TMTC1: variants seen among roughly 807,000 people sequenced by gnomAD.
TMTC1 encodes the protein transmembrane O-mannosyltransferase targeting cadherins 1, also known as protein O-mannosyl-transferase TMTC1.
A neutral mutation model predicts 104.8 loss-of-function variants in TMTC1; 73 were observed. The ratio of observed to expected loss-of-function variants is 0.70; its 90% CI spans 0.58 to 0.85. The LOEUF (loss-of-function observed/expected upper bound fraction) is 0.85. TMTC1 is among the 40% of genes least tolerant of loss of function. The pLI, the probability that TMTC1 is intolerant of heterozygous loss-of-function variation, is 0.00. For missense variants in TMTC1, 1,035 were observed against 1,096.1 expected (o/e 0.94, Z 0.79); for synonymous variants, 434 against 428.7 (o/e 1.01, Z -0.15).
intron 6 of TMTC1, among the ~76,000 whole-genome samples, chr12:29,624,175 T>G (rs533140358): frequency 4.6e-5 from 7 of 152,144 alleles, no homozygotes; most frequent in Non-Finnish European, 8.8e-5. Flanking sequence ...AGACAGGGTT[T>G]CACCATATTG....
chr12:29,512,076 G>T lies in TMTC1; in HGVS notation c.2475C>A (p.Ala825=), dbSNP rs1162217609. 6.2e-7 allele frequency: 1 copy of T among 1,613,996 alleles called. No homozygotes were observed. The highest frequency in any genetic ancestry group is 1.3e-5 in the African/African-American group (1 of 74,926). Residue 825 remains alanine (A), a synonymous_variant, in exon 17 of 18, where the codon GCC becomes GCA. Coordinates refer to ENST00000539277, the MANE Select transcript of TMTC1 (RefSeq NM_001193451.2). The part of the protein sequence containing the change: ...AVQLNPDQAQ[A]WMNMGGIQHI... ...GTTGGATGCCACCCATGTTCATCCA[G>T]GCCTGTGCTTGGTCTGGGTTTAGTT...
chr12:29,518,052 G>A (rs1944041210), intron 13 of TMTC1, among the ~76,000 whole-genome samples: 1 of 152,156 alleles, frequency 6.6e-6, no homozygotes, highest in Non-Finnish European at 1.5e-5. Context: ...TGATGCCATA[G>A]TTGGAACGTA....
At chr12:29,741,594 C>G (rs1942827953) in intron 5 of TMTC1, among the ~76,000 whole-genome samples, 1 of 152,144 alleles carries the variant, frequency 6.6e-6, no homozygotes, top group Non-Finnish European at 1.5e-5. Context: ...CTTGCACTAC[C>G]CTGTGCTATC....
intron 8 of TMTC1, 59 bp from the exon 9 acceptor site, chr12:29,572,277 C>T (rs1945700249): frequency 3.7e-6 from 5 of 1,364,982 alleles, no homozygotes. Flanking sequence ...TGTCAGATTC[C>T]TTTATGTTTT....
chr12:29,692,385 A>AT (rs149617538), intron 5 of TMTC1, among the ~76,000 whole-genome samples: 6,616 of 144,906 alleles, frequency 0.046, 1,091 homozygotes, highest in African/African-American at 0.16. Context: ...AACGAAATGA[A>AT]TTAAGTTCAC....
chr12:29,519,606 C>T (rs1392677267), intron 12 of TMTC1: 1 of 152,114 alleles, frequency 6.6e-6, no homozygotes, highest in Non-Finnish European at 1.5e-5. Flanking sequence ...GCCTCTGTCT[C>T]TGGAGGCAGA....
At chr12:29,648,202 C>T (rs997379356) in intron 5 of TMTC1, among the ~76,000 whole-genome samples, 1 of 152,116 alleles carries the variant, frequency 6.6e-6, no homozygotes, top group African/African-American at 2.4e-5. Flanking sequence ...AACATGGAAG[C>T]AGAAACTCTG....
chr12:29,668,776 T>C (rs1391621038), intron 5 of TMTC1, among the ~76,000 whole-genome samples: 1 of 152,216 alleles, frequency 6.6e-6, no homozygotes, highest in African/African-American at 2.4e-5. Flanking sequence ...TTCTAATTAA[T>C]TAAAAGTGAT....
chr12:29,603,749 T>C (rs1427857358), intron 7 of TMTC1, among the ~76,000 whole-genome samples: 1 of 152,174 alleles, frequency 6.6e-6, no homozygotes, highest in Non-Finnish European at 1.5e-5. Context: ...TGAGATTGCT[T>C]CCATTTTTAA....
intron 7 of TMTC1, among the ~76,000 whole-genome samples, chr12:29,594,354 T>G (rs1946354867): frequency 6.6e-6 from 1 of 152,244 alleles, no homozygotes; most frequent in Admixed American, 6.5e-5. Flanking sequence ...TGCTGTCCTC[T>G]CCTCTAGTCC....
intron 1 of TMTC1, among the ~76,000 whole-genome samples, 153 bp from the exon 2 acceptor site, chr12:29,768,228 G>C (rs760409263): frequency 3.9e-5 from 6 of 152,014 alleles, no homozygotes; most frequent in Non-Finnish European, 7.4e-5. Context: ...TTTAGCCTTG[G>C]GTATGTATCA....
rs774775884 is a variant in TMTC1, at chr12:29,633,157, G to A, written c.1118C>T (p.Ala373Val). 6.2e-7 allele frequency: 1 copy of A among 1,612,412 alleles called. No individual in the cohort carries two copies. Residue 373 changes from alanine (A) to valine (V), a missense_variant, in exon 6 of 18, where the codon GCA becomes GTA. Physicochemically the swap from Ala to Val is moderately conservative, Grantham distance 64. Transcript: ENST00000539277. ...TTTTGAGAAAATTACCTTAAAGGCTGCTAAGCAGTGCAGGCTCAATAAGGC... is the reference window on the plus strand; with the variant it reads ...TTTTGAGAAAATTACCTTAAAGGCTACTAAGCAGTGCAGGCTCAATAAGGC... Reference protein sequence around the residue: ...VMALLSLHCLAAFKRLEHKEV... With the variant: ...VMALLSLHCLVAFKRLEHKEV...
At chr12:29,580,310 C>G (rs1339316960) in intron 8 of TMTC1, among the ~76,000 whole-genome samples, 1 of 152,020 alleles carries the variant, frequency 6.6e-6, no homozygotes. Flanking sequence ...CAGAGTGAGA[C>G]TTTGTCTCAA....
At chr12:29,581,523 T>C (rs1352490678) in intron 8 of TMTC1, among the ~76,000 whole-genome samples, 2 of 152,140 alleles carry the variant, frequency 1.3e-5, no homozygotes, top group African/African-American at 2.4e-5. Flanking sequence ...TCTAAAACAA[T>C]AGAAGCTTCT....
At chr12:29,751,383 G>A (rs1488399083) in intron 5 of TMTC1, among the ~76,000 whole-genome samples, 2 of 152,116 alleles carry the variant, frequency 1.3e-5, no homozygotes, top group Non-Finnish European at 2.9e-5. Context: ...GAAACGTAGG[G>A]CGCCCATCTT....
At chr12:29,523,579 C>T (rs1188556038) in intron 11 of TMTC1, among the ~76,000 whole-genome samples, 3 of 152,176 alleles carry the variant, frequency 2.0e-5, no homozygotes, top group Non-Finnish European at 4.4e-5. Context: ...ACAATGCTCC[C>T]CTCAAAATTG....
chr12:29,537,127 A>G (rs2136204422), intron 10 of TMTC1, among the ~76,000 whole-genome samples: 1 of 152,324 alleles, frequency 6.6e-6, no homozygotes, highest in South Asian at 2.1e-4. Context: ...TGCTATTAAT[A>G]CAATTCCACA....
intron 11 of TMTC1, among the ~76,000 whole-genome samples, chr12:29,529,542 T>A (rs299444): frequency 0.55 from 83,092 of 152,068 alleles, 25,561 homozygotes; most frequent in South Asian, 0.69. Context: ...AGTAATATTG[T>A]AATAGTAATT....
intron 5 of TMTC1, among the ~76,000 whole-genome samples, chr12:29,702,702 G>A (rs1490507229): frequency 6.6e-6 from 1 of 152,198 alleles, no homozygotes; most frequent in African/African-American, 2.4e-5. Flanking sequence ...TTGGGAGGCA[G>A]CCTTGAGTAT....
Sources: allele counts gnomAD v4.1 joint callset (sites outside exome capture counted in the v4.1 genomes callset), GRCh38; gene constraint gnomAD v4.1.1; transcripts MANE v1.5; gene names NCBI Gene and HGNC (gene_info 2026-07-23, HGNC 2026-07-21).